The following TMEM164 variants were observed in gnomAD, a reference collection of about 807,000 sequenced individuals.
TMEM164 encodes the protein transmembrane protein 164.
Under a neutral mutation model 18.8 loss-of-function variants are expected in TMEM164, and 4 were observed. The ratio of observed to expected loss-of-function variants is 0.21; its 90% CI spans 0.10 to 0.49. TMEM164 has a LOEUF of 0.49. TMEM164 is among the 20% of genes least tolerant of loss of function. TMEM164 has a pLI of 0.98. For missense variants in TMEM164, 108 were observed against 239.9 expected (o/e 0.45, Z 3.63); for synonymous variants, 86 against 101.7 (o/e 0.85, Z 0.93).
Position 110,007,484 on chromosome X carries a change from T to C in TMEM164, c.390+3320T>C, listed in dbSNP as rs989173064. Among the ~76,000 whole-genome samples the C allele has an allele frequency of 6.2e-5, 7 of 112,293 alleles. No individual in the cohort carries two copies. The Admixed American group carries it at 6.6e-4, about 11-fold the overall frequency. On this transcript the variant is annotated intron_variant, in intron 2 of 6. Coordinates refer to ENST00000372068, the MANE Select transcript of TMEM164 (RefSeq NM_032227.4). ...ATACCAATAAGTATTTCTTCAAGCA[T>C]GGCCAGTCCCTTTTTGCTTATGATT...
At chrX:110,022,387 T>G in intron 2 of TMEM164, among the ~76,000 whole-genome samples, 1 of 111,446 alleles carries the variant, frequency 9.0e-6, no homozygotes, top group East Asian at 2.8e-4. Flanking sequence ...TTATTGGGCC[T>G]TTTCAGGGAT....
chrX:110,011,638 G>A (rs1476911094), intron 2 of TMEM164, among the ~76,000 whole-genome samples: 3 of 112,233 alleles, frequency 2.7e-5, no homozygotes, highest in Admixed American at 9.4e-5. Flanking sequence ...GATGTGGAGA[G>A]CAGTGATTAT....
At chrX:110,044,425 G>T (rs983689423) in intron 2 of TMEM164, among the ~76,000 whole-genome samples, 8 of 104,187 alleles carry the variant, frequency 7.7e-5, no homozygotes, top group African/African-American at 2.8e-4. Flanking sequence ...AATCTGTCAG[G>T]TTTTTTTTTT....
At position 110,094,967 on chromosome X, in the gene TMEM164, G is replaced by C. The variant is rs757860685; in HGVS notation, c.441-14113G>C. Among the ~76,000 whole-genome samples, 205 of 111,599 alleles carry C rather than the reference G, an allele frequency of 1.8e-3. 1 individual carries two copies. The highest frequency in any genetic ancestry group is 3.0e-3 in the Non-Finnish European group (157 of 53,098). Reference sequence around the variant, plus strand: ...TAGTTTGGCTGGATATGAAATTCTGGGTTGAAAATTCTTTTCTTTAAGAAT... The same window carrying C: ...TAGTTTGGCTGGATATGAAATTCTGCGTTGAAAATTCTTTTCTTTAAGAAT... On this transcript the variant is annotated intron_variant, in intron 3 of 6. Transcript: ENST00000372068.
intron 2 of TMEM164, among the ~76,000 whole-genome samples, chrX:110,061,180 A>G (rs190298225): frequency 0.011 from 1,201 of 112,560 alleles, 10 homozygotes; most frequent in African/African-American, 0.035. Context: ...TGAAATCAGG[A>G]TAATTATAGC....
chrX:110,098,591 T>C (rs1399809003), intron 3 of TMEM164, among the ~76,000 whole-genome samples: 1 of 111,971 alleles, frequency 8.9e-6, no homozygotes, highest in Non-Finnish European at 1.9e-5. Flanking sequence ...AAATTCCGGT[T>C]TCTGCACATT....
chrX:110,172,291 T>C (rs2067241637), intron 6 of TMEM164, among the ~76,000 whole-genome samples: 1 of 111,831 alleles, frequency 8.9e-6, no homozygotes, highest in Non-Finnish European at 1.9e-5. Flanking sequence ...TGAAGGGCTT[T>C]GGAAGGCAGG....
chrX:110,075,793 A>G (rs1410988630), intron 3 of TMEM164, among the ~76,000 whole-genome samples: 9 of 112,044 alleles, frequency 8.0e-5, no homozygotes, highest in Non-Finnish European at 1.7e-4. Flanking sequence ...CCAACTTTGC[A>G]TCCCAGAAAT....
At chrX:110,171,663 T>C in intron 6 of TMEM164, 143 bp downstream of exon 6, 1 of 553,683 alleles carries the variant, frequency 1.8e-6, no homozygotes, top group South Asian at 2.5e-5. Flanking sequence ...GTGTCTGGAT[T>C]GCTGATTTAT....
chrX:110,091,120 G>T (rs2065921947), intron 3 of TMEM164, among the ~76,000 whole-genome samples: 1 of 111,444 alleles, frequency 9.0e-6, no homozygotes, highest in Admixed American at 9.5e-5. Flanking sequence ...ATGGACATTT[G>T]GGTTGGTTCC....
chrX:110,035,014 G>A (rs755330563), intron 2 of TMEM164, among the ~76,000 whole-genome samples: 21 of 92,746 alleles, frequency 2.3e-4, no homozygotes, highest in African/African-American at 8.6e-4. Context: ...GGTGGGAATT[G>A]AACAATGAGA....
chrX:110,105,195 T>A (rs868667057), intron 3 of TMEM164, among the ~76,000 whole-genome samples: 1 of 97,971 alleles, frequency 1.0e-5, no homozygotes, highest in African/African-American at 3.9e-5. Context: ...CATCCATCCA[T>A]CCATCCATCC....
intron 4 of TMEM164, among the ~76,000 whole-genome samples, chrX:110,142,072 T>C (rs1428443402): frequency 8.9e-6 from 1 of 111,961 alleles, no homozygotes; most frequent in Non-Finnish European, 1.9e-5. Context: ...AAGTCTGTAG[T>C]GTAGCCATGG....
chrX:110,160,440 G>T (rs1288328254), intron 5 of TMEM164, among the ~76,000 whole-genome samples: 3 of 112,326 alleles, frequency 2.7e-5, no homozygotes, highest in African/African-American at 9.7e-5. Flanking sequence ...TAGATCTTGT[G>T]ATTAAATGTA....
chrX:110,028,901 A>T (rs1273078964), intron 2 of TMEM164, among the ~76,000 whole-genome samples: 1 of 111,945 alleles, frequency 8.9e-6, no homozygotes, highest in Non-Finnish European at 1.9e-5. Flanking sequence ...TTCTTCTTTT[A>T]GTACTGTTAA....
intron 5 of TMEM164, among the ~76,000 whole-genome samples, chrX:110,164,697 C>G (rs752150335): frequency 5.4e-5 from 6 of 111,005 alleles, no homozygotes; most frequent in African/African-American, 2.0e-4. Context: ...AGGGCCATGA[C>G]CCATATGTCT....
intron 2 of TMEM164, among the ~76,000 whole-genome samples, chrX:110,047,191 G>A (rs1935350734): frequency 2.7e-5 from 3 of 112,036 alleles, no homozygotes; most frequent in Middle Eastern, 4.6e-3. Context: ...AGAGGAAAGT[G>A]GGGCATTCCA....
intron 4 of TMEM164, among the ~76,000 whole-genome samples, chrX:110,134,619 C>G (rs1602685026): frequency 9.6e-6 from 1 of 104,496 alleles, no homozygotes; most frequent in East Asian, 3.0e-4. Flanking sequence ...TAATTATGCC[C>G]CCCTGCCCTT....
chrX:110,171,333 C>T, intron 5 of TMEM164, 87 bp from the exon 6 acceptor site: 1 of 635,526 alleles, frequency 1.6e-6, no homozygotes, highest in South Asian at 2.7e-5. Context: ...CAGGCAGCAG[C>T]TGTGACCTCA....
Sources: allele counts gnomAD v4.1 joint callset (sites outside exome capture counted in the v4.1 genomes callset), GRCh38; gene constraint gnomAD v4.1.1; transcripts MANE v1.5; gene names NCBI Gene and HGNC (gene_info 2026-07-23, HGNC 2026-07-21).